SHISA6: variants seen among roughly 807,000 people sequenced by gnomAD.
The protein encoded by SHISA6 is shisa family member 6.
SHISA6 carries 22 observed loss-of-function variants against 47.9 expected under a neutral mutation model. The ratio of observed to expected loss-of-function variants is 0.46; its 90% confidence interval spans 0.33 to 0.66. SHISA6 has a LOEUF of 0.66. Ranked by LOEUF, SHISA6 falls within the 30% of genes least tolerant of loss-of-function variation. The pLI is 0.02. For missense variants in SHISA6, 680 were observed against 764.6 expected, an observed-to-expected ratio of 0.89 and a Z score of 1.30; for synonymous variants, 388 against 337.8, an observed-to-expected ratio of 1.15 and a Z score of -1.63.
chr17:11,374,604 T>C (rs565877259), intron 2 of SHISA6, among the ~76,000 whole-genome samples: 1 of 152,234 alleles, frequency 6.6e-6, no homozygotes, highest in East Asian at 1.9e-4. Flanking sequence ...AAGAAAGCTT[T>C]TCTATTCTCC....
At chr17:11,277,280 T>TCTCTCTCTCTCTCACACACACACACA (rs1386997909) in intron 2 of SHISA6, among the ~76,000 whole-genome samples, 6 of 53,920 alleles carry the variant, frequency 1.1e-4, no homozygotes, top group African/African-American at 2.2e-4. Flanking sequence ...TCTCTCTCTC[T>TCTCTCTCTCTCTCACACACACACACA]CACACACACA....
At chr17:11,534,162 T>C (rs111832094) in intron 3 of SHISA6, among the ~76,000 whole-genome samples, 826 of 36,750 alleles carry the variant, frequency 0.022, 11 homozygotes, top group African/African-American at 0.064. Context: ...TTTTTCTTTT[T>C]TTTTTTTTTT....
At chr17:11,373,904 T>C (rs1912705537) in intron 2 of SHISA6, among the ~76,000 whole-genome samples, 1 of 152,240 alleles carries the variant, frequency 6.6e-6, no homozygotes, top group South Asian at 2.1e-4. Context: ...TGAGGATTTA[T>C]CTAGGTTATA....
intron 3 of SHISA6, among the ~76,000 whole-genome samples, chr17:11,451,890 C>G (rs1009105132): frequency 5.9e-5 from 9 of 152,136 alleles, no homozygotes; most frequent in African/African-American, 1.9e-4. Flanking sequence ...AGAAGAAATC[C>G]TTAGATGTGG....
At chr17:11,358,422 C>T (rs546419143) in intron 2 of SHISA6, among the ~76,000 whole-genome samples, 74 of 150,114 alleles carry the variant, frequency 4.9e-4, no homozygotes, top group Middle Eastern at 3.6e-3. Context: ...TGCAGTGGTG[C>T]GATCGCCACT....
At chr17:11,285,748 A>C (rs1448551978) in intron 2 of SHISA6, among the ~76,000 whole-genome samples, 1 of 152,018 alleles carries the variant, frequency 6.6e-6, no homozygotes, top group Non-Finnish European at 1.5e-5. Context: ...GCTCTTGTGC[A>C]CTTTGTAGAA....
intron 3 of SHISA6, among the ~76,000 whole-genome samples, chr17:11,550,701 A>C (rs58995093): frequency 0.061 from 9,294 of 152,250 alleles, 374 homozygotes; most frequent in Middle Eastern, 0.092. Flanking sequence ...ATTTGGGGTG[A>C]GGGTAGGAAT....
chr17:11,256,582 T>C (rs1908016284), intron 1 of SHISA6, among the ~76,000 whole-genome samples: 1 of 152,112 alleles, frequency 6.6e-6, no homozygotes, highest in Admixed American at 6.5e-5. Flanking sequence ...ACAGGTACAG[T>C]TATGAACTCA....
At chr17:11,309,502 T>G (rs906915915) in intron 2 of SHISA6, among the ~76,000 whole-genome samples, 2 of 152,238 alleles carry the variant, frequency 1.3e-5, no homozygotes, top group African/African-American at 2.4e-5. Context: ...GAACCTGGAT[T>G]GGGCCATTCC....
rs141786643 is a variant in SHISA6 at position 11,413,529 on chromosome 17, C to T, written c.895+34020C>T. On this transcript the variant is annotated intron_variant, in intron 3 of 5. Transcript: ENST00000441885. ...ACCACCCCAGAACTGGGGCATGCAA[C>T]GACCACCATCTACCTGAGGAGGCAA... Among the ~76,000 whole-genome samples, 300 of 152,292 alleles carry T rather than the reference C, an allele frequency of 2.0e-3. 2 individuals carry two copies. Among genetic ancestry groups the T allele is most frequent in the African/African-American group, 6.6e-3 (273 of 41,560 alleles).
Position 11,420,705 on chromosome 17 carries a change from C to T in SHISA6, c.895+41196C>T, listed in dbSNP as rs573667679. Among the ~76,000 whole-genome samples, 3 of 152,256 alleles carry T rather than the reference C, an allele frequency of 2.0e-5. No individual in the cohort carries two copies. In the South Asian group the frequency reaches 6.2e-4, roughly 32 times the overall value. The stretch of plus-strand genomic sequence containing the variant: ...GCCCCTTTGTCACCGCCACTGGCCC[C>T]AAGAGGAGATGACACTGCCACCATC... On this transcript the variant is annotated intron_variant, in intron 3 of 5. Transcript: ENST00000441885.
chr17:11,391,577 C>T (rs1019551267), intron 3 of SHISA6, among the ~76,000 whole-genome samples: 10 of 152,156 alleles, frequency 6.6e-5, no homozygotes, highest in African/African-American at 2.4e-4. Context: ...CTACTCTTCT[C>T]AGCACGACTG....
chr17:11,522,453 A>G (rs1283574402), intron 3 of SHISA6, among the ~76,000 whole-genome samples: 1 of 152,028 alleles, frequency 6.6e-6, no homozygotes, highest in East Asian at 1.9e-4. Context: ...TTTTGTATAG[A>G]GAAGTTGTAG....
chr17:11,424,899 C>CT (rs1914564876), intron 3 of SHISA6, among the ~76,000 whole-genome samples: 1 of 148,456 alleles, frequency 6.7e-6, no homozygotes, highest in African/African-American at 2.5e-5. Flanking sequence ...GTTGCAGCTA[C>CT]TGGGGGCTGA....
intron 3 of SHISA6, among the ~76,000 whole-genome samples, chr17:11,382,157 C>G (rs534329461): frequency 1.3e-5 from 2 of 152,056 alleles, no homozygotes; most frequent in Non-Finnish European, 2.9e-5. Context: ...ACTATAACCT[C>G]GAACTCCTGG....
At chr17:11,350,196 T>TTTTTTTTTTTC (rs1369301126) in intron 2 of SHISA6, among the ~76,000 whole-genome samples, 13 of 139,988 alleles carry the variant, frequency 9.3e-5, no homozygotes, top group Non-Finnish European at 1.4e-4. Flanking sequence ...TTTTTTTTTT[T>TTTTTTTTTTTC]TGAGACGGAG....
intron 2 of SHISA6, among the ~76,000 whole-genome samples, chr17:11,323,647 G>A (rs751002668): frequency 2.0e-5 from 3 of 148,034 alleles, no homozygotes; most frequent in Non-Finnish European, 4.5e-5. Context: ...GAGTGAGACT[G>A]TGTCTCAAAA....
chr17:11,331,363 T>C (rs1911104909), intron 2 of SHISA6, among the ~76,000 whole-genome samples: 1 of 152,206 alleles, frequency 6.6e-6, no homozygotes, highest in African/African-American at 2.4e-5. Context: ...AAATGCTTAA[T>C]GTAAGTTCTC....
chr17:11,253,277 A>G (rs1369628111), intron 1 of SHISA6, among the ~76,000 whole-genome samples: 1 of 149,102 alleles, frequency 6.7e-6, no homozygotes, highest in Non-Finnish European at 1.5e-5. Flanking sequence ...AGATGCCACT[A>G]ATTCAAAATT....
Sources: gnomAD v4.1 joint callset for allele counts (sites outside exome capture counted in the v4.1 genomes callset) on GRCh38, gnomAD v4.1.1 for gene constraint, MANE v1.5 for transcripts, NCBI Gene and HGNC (gene_info 2026-07-23, HGNC 2026-07-21) for gene names.